AXDND1: variants seen among roughly 807,000 people sequenced by gnomAD.
AXDND1 encodes axonemal dynein light chain domain-containing protein 1.
Under a neutral mutation model 137.5 loss-of-function variants are expected in AXDND1, and 110 were observed. The observed-to-expected ratio is 0.80, with a 90% CI of 0.69 to 0.94. The LOEUF (loss-of-function observed/expected upper bound fraction) is 0.94. Ranked by LOEUF, AXDND1 falls within the 40% of genes least tolerant of loss-of-function variation. The pLI is 0.00. For missense variants in AXDND1, 1,191 were observed against 1,169.8 expected (o/e 1.02, Z -0.26); for synonymous variants, 414 against 399.7 (o/e 1.04, Z -0.43).
At chr1:179,440,415 T>C (rs927870287) in intron 15 of AXDND1, among the ~76,000 whole-genome samples, 15 of 152,238 alleles carry the variant, frequency 9.9e-5, no homozygotes, top group Non-Finnish European at 1.6e-4. Context: ...TGAACATAGC[T>C]GAGCTTAGCA....
chr1:179,517,422 G>A lies in AXDND1; in HGVS notation c.2497-7912G>A, dbSNP rs190930826. 2.0e-5 allele frequency among the ~76,000 whole-genome samples: 3 copies of A among 152,304 alleles called. No individual in the cohort carries two copies. In the East Asian group the frequency reaches 5.8e-4, roughly 29 times the overall value. ...AGTTTTGGTTGTTCTTCCCCCTGTG[G>A]AGTCTGTACACTGGATTCATGCCCT... On this transcript the variant is annotated intron_variant, in intron 21 of 25. Transcript: ENST00000367618.
rs565129870 is a variant in AXDND1 at position 179,503,891 on chromosome 1, G to A, written c.2389-5405G>A. Reference sequence around the variant, plus strand: ...GTAATCCCCATGCTATATAAACAGTGTAAGAGCATAGATAACGACTGAAAG... The same window carrying A: ...GTAATCCCCATGCTATATAAACAGTATAAGAGCATAGATAACGACTGAAAG... On this transcript the variant is annotated intron_variant, in intron 20 of 25. Coordinates refer to ENST00000367618, the MANE Select transcript of AXDND1 (RefSeq NM_144696.6). Among the ~76,000 whole-genome samples, 16 of 152,282 alleles carry A rather than the reference G, an allele frequency of 1.1e-4. No individual in the cohort carries two copies. In the South Asian group the frequency reaches 2.9e-3, roughly 28 times the overall value.
At chr1:179,478,063 T>C (rs548898483) in intron 17 of AXDND1, among the ~76,000 whole-genome samples, 1 of 152,314 alleles carries the variant, frequency 6.6e-6, no homozygotes, top group Admixed American at 6.5e-5. Flanking sequence ...GTTCTCATGG[T>C]CTTGGGCAGT....
chr1:179,379,138 A>G (rs1647786839), intron 5 of AXDND1, among the ~76,000 whole-genome samples: 1 of 152,134 alleles, frequency 6.6e-6, no homozygotes, highest in South Asian at 2.1e-4. Flanking sequence ...GAATCAATAA[A>G]CTTCTGAATA....
chr1:179,433,639 G>A (rs1034782931), intron 15 of AXDND1, among the ~76,000 whole-genome samples: 8 of 152,190 alleles, frequency 5.3e-5, no homozygotes, highest in African/African-American at 1.7e-4. Flanking sequence ...TCATTCAGGA[G>A]CAGGTTGTTC....
At chr1:179,421,361 CTTTT>C in intron 12 of AXDND1, among the ~76,000 whole-genome samples, 1 of 110,190 alleles carries the variant, frequency 9.1e-6, no homozygotes, top group Non-Finnish European at 1.9e-5. Flanking sequence ...TTTTCTTTTT[CTTTT>C]CCTTTTTTTT....
At chr1:179,554,491 A>G in intron 25 of AXDND1, 21 bp from the exon 26 acceptor site, 1 of 1,614,078 alleles carries the variant, frequency 6.2e-7, no homozygotes, top group Non-Finnish European at 8.5e-7. Flanking sequence ...TATTCTCTCC[A>G]CTTTGATTCC....
At position 179,378,617 on chromosome 1, in the gene AXDND1, A is replaced by T; in HGVS notation, c.375-20A>T. 6.5e-7 allele frequency: 1 copy of T among 1,549,900 alleles called. No individual in the cohort carries two copies. Among genetic ancestry groups the T allele is most frequent in the South Asian group, 1.2e-5 (1 of 82,662 alleles). On this transcript the variant is annotated intron_variant, in intron 4 of 25. Coordinates refer to ENST00000367618, the MANE Select transcript of AXDND1 (RefSeq NM_144696.6). ...CAGATAGAAAATTTGTTTTGTAAAT[A>T]TATTTTTCTTACTTTTTAGGGATAT... is the stretch of plus-strand genomic sequence containing the variant.
intron 16 of AXDND1, among the ~76,000 whole-genome samples, chr1:179,446,291 A>G (rs185946580): frequency 6.6e-6 from 1 of 152,328 alleles, no homozygotes; most frequent in Non-Finnish European, 1.5e-5. Flanking sequence ...ATTGTGTGTT[A>G]TTGTGCACTA....
At chr1:179,551,694 A>G in intron 25 of AXDND1, 1 of 516,860 alleles carries the variant, frequency 1.9e-6, no homozygotes, top group Non-Finnish European at 3.5e-6. Context: ...GTATTAGGGG[A>G]GTTATTAGCA....
chr1:179,501,445 C>T (rs944872830), intron 20 of AXDND1, among the ~76,000 whole-genome samples: 5 of 152,164 alleles, frequency 3.3e-5, no homozygotes, highest in African/African-American at 1.2e-4. Context: ...GGTGCAGTGG[C>T]TCACGCCTGT....
chr1:179,496,363 A>G (rs970848929), intron 20 of AXDND1, among the ~76,000 whole-genome samples: 11 of 152,074 alleles, frequency 7.2e-5, no homozygotes, highest in African/African-American at 1.4e-4. Context: ...ACTAACAAAT[A>G]TAGAGCTATC....
chr1:179,553,466 G>C (rs10458352), intron 25 of AXDND1, among the ~76,000 whole-genome samples: 152,108 of 152,384 alleles, frequency 1, 75,916 homozygotes, highest in Non-Finnish European at 1. Flanking sequence ...ATGGTTGAAC[G>C]TTGAAAACAT....
At chr1:179,468,149 G>T (rs1161940347) in intron 16 of AXDND1, among the ~76,000 whole-genome samples, 1 of 152,162 alleles carries the variant, frequency 6.6e-6, no homozygotes, top group Non-Finnish European at 1.5e-5. Context: ...AACTATAGTT[G>T]ATAGTTTCTG....
intron 16 of AXDND1, among the ~76,000 whole-genome samples, chr1:179,464,714 C>G (rs1413076820): frequency 1.3e-5 from 2 of 152,146 alleles, no homozygotes; most frequent in African/African-American, 4.8e-5. Flanking sequence ...GAGTGTTTTC[C>G]AACTTGGTTC....
At chr1:179,510,313 C>T (rs3898486) in intron 21 of AXDND1, among the ~76,000 whole-genome samples, 109,388 of 151,990 alleles carry the variant, frequency 0.72, 40,504 homozygotes, top group South Asian at 0.84. Context: ...TCTTTGAAGG[C>T]GTTCTCCTCC....
rs77240007 is a variant in AXDND1 at position 179,377,503 on chromosome 1, C to T, written c.375-1134C>T. On this transcript the variant is annotated intron_variant, in intron 4 of 25. Coordinates refer to ENST00000367618, the MANE Select transcript of AXDND1 (RefSeq NM_144696.6). ...CTGGAAGTCTTAAAAGAGTCAATGA[C>T]TCAAGATTCCGTCTCCTGGAAGAGT... 5.2e-3 allele frequency among the ~76,000 whole-genome samples: 791 copies of T among 152,262 alleles called. 8 individuals are homozygous for T. The highest frequency in any genetic ancestry group is 0.018 in the African/African-American group (761 of 41,544).
intron 16 of AXDND1, among the ~76,000 whole-genome samples, chr1:179,462,755 G>GT (rs34874029): frequency 0.092 from 13,896 of 151,562 alleles, 719 homozygotes; most frequent in Non-Finnish European, 0.098. Flanking sequence ...ACTTCTTCCT[G>GT]TTTTTTTCAG....
intron 16 of AXDND1, chr1:179,452,613 G>A (rs111706646): frequency 2.8e-5 from 4 of 141,308 alleles, no homozygotes; most frequent in Non-Finnish European, 3.0e-5. Context: ...GCGTGAACCC[G>A]GGAAGCGGAG....
Sources: gnomAD v4.1 joint callset for allele counts (sites outside exome capture counted in the v4.1 genomes callset) on GRCh38, gnomAD v4.1.1 for gene constraint, MANE v1.5 for transcripts, NCBI Gene and HGNC (gene_info 2026-07-23, HGNC 2026-07-21) for gene names.